Variants in ANO4 observed in about 807,000 individuals in gnomAD.
ANO4 encodes the protein anoctamin-4.
In ANO4, 69 loss-of-function variants were observed where a neutral mutation model predicts 141.9. The ratio of observed to expected loss-of-function variants is 0.49; its 90% CI spans 0.40 to 0.59. ANO4 has a LOEUF of 0.59. ANO4 is among the 20% of genes least tolerant of loss of function. ANO4 has a pLI of 0.00. For missense variants in ANO4, 894 were observed against 1,162.2 expected, an observed-to-expected ratio of 0.77 and a Z score of 3.36; for synonymous variants, 350 against 394.3, an observed-to-expected ratio of 0.89 and a Z score of 1.33.
At chr12:101,098,543 G>A (rs914012006) in intron 21 of ANO4, among the ~76,000 whole-genome samples, 5 of 152,174 alleles carry the variant, frequency 3.3e-5, no homozygotes, top group Non-Finnish European at 7.3e-5. Flanking sequence ...CACTCAGCCA[G>A]AACGATTAGT....
intron 1 of ANO4, among the ~76,000 whole-genome samples, chr12:100,727,225 A>C (rs767608663): frequency 1.3e-5 from 2 of 152,204 alleles, no homozygotes; most frequent in Non-Finnish European, 1.5e-5. Flanking sequence ...GTTTTTACTA[A>C]AATTTTTCTT....
intron 1 of ANO4, chr12:100,852,253 A>C (rs2037913167): frequency 6.6e-6 from 1 of 152,186 alleles, no homozygotes; most frequent in African/African-American, 2.4e-5. Flanking sequence ...TTAAAAACAT[A>C]TTTCAAATAA....
chr12:100,726,286 G>T (rs1054231773), intron 1 of ANO4, among the ~76,000 whole-genome samples: 4 of 152,140 alleles, frequency 2.6e-5, no homozygotes, highest in African/African-American at 9.7e-5. Context: ...CTTGGGGCAG[G>T]TCTTTCTTAA....
intron 24 of ANO4, 116 bp downstream of exon 24, chr12:101,111,826 C>A: frequency 2.4e-6 from 2 of 839,980 alleles, no homozygotes; most frequent in African/African-American, 1.8e-5. Context: ...GAAGGAGAGG[C>A]CTGTGATAGG....
rs561741108 is a variant in ANO4, at chr12:100,983,957, G to A, written c.603-3582G>A. 2.1e-3 allele frequency among the ~76,000 whole-genome samples: 326 copies of A among 152,240 alleles called. 1 individual carries two copies. The highest frequency in any genetic ancestry group is 3.5e-3 in the Non-Finnish European group (239 of 68,024). ...CCATGTTTGAGTGTTTGGTTTAGTC[G>A]TAGTGAAGTGCACACAGCATGCACA... On this transcript the variant is annotated intron_variant, in intron 7 of 27. Coordinates refer to ENST00000392977, the MANE Select transcript of ANO4 (RefSeq NM_001286615.2).
intron 1 of ANO4, chr12:100,842,058 T>TCCCC (rs1390136625): frequency 5.7e-5 from 2 of 34,798 alleles, no homozygotes; most frequent in Non-Finnish European, 1.1e-4. Context: ...CTGGTAAATA[T>TCCCC]CCACCCCCCC....
chr12:100,751,466 G>T (rs534688402), intron 3 of ANO4, among the ~76,000 whole-genome samples: 1 of 152,158 alleles, frequency 6.6e-6, no homozygotes, highest in East Asian at 1.9e-4. Context: ...ACACCCTCTG[G>T]TCACTATTCC....
At chr12:101,013,322 ACTAT>A (rs77462787) in intron 8 of ANO4, among the ~76,000 whole-genome samples, 2,547 of 152,250 alleles carry the variant, frequency 0.017, 38 homozygotes, top group Middle Eastern at 0.045. Context: ...TCACTTTGTG[ACTAT>A]CTAACCCTAT....
At chr12:101,044,668 C>T (rs1043192995) in intron 13 of ANO4, among the ~76,000 whole-genome samples, 2 of 152,202 alleles carry the variant, frequency 1.3e-5, no homozygotes, top group African/African-American at 4.8e-5. Context: ...AGGATCCCGC[C>T]TATCTATAAT....
chr12:101,048,305 A>G (rs2047713895), intron 13 of ANO4, 36 bp from the exon 14 acceptor site: 1 of 1,600,968 alleles, frequency 6.2e-7, no homozygotes, highest in Non-Finnish European at 8.5e-7. Context: ...ATCATATATG[A>G]GAAATTAACT....
chr12:101,028,193 T>C (rs1393030148), intron 9 of ANO4, among the ~76,000 whole-genome samples: 1 of 152,032 alleles, frequency 6.6e-6, no homozygotes, highest in Non-Finnish European at 1.5e-5. Context: ...GCCTCAAAGA[T>C]CGAAACTAGA....
chr12:101,073,580 TAATA>T (rs2048911332), intron 14 of ANO4, among the ~76,000 whole-genome samples: 1 of 145,816 alleles, frequency 6.9e-6, no homozygotes. Flanking sequence ...ATAATAATAA[TAATA>T]ATAATAATAA....
At chr12:100,891,228 GA>G (rs1359366063) in intron 1 of ANO4, among the ~76,000 whole-genome samples, 1 of 152,204 alleles carries the variant, frequency 6.6e-6, no homozygotes, top group Non-Finnish European at 1.5e-5. Flanking sequence ...CCTACTGAAG[GA>G]CATCTTGGTT....
At chr12:100,910,720 A>G (rs569024911) in intron 2 of ANO4, among the ~76,000 whole-genome samples, 6 of 152,298 alleles carry the variant, frequency 3.9e-5, no homozygotes, top group Non-Finnish European at 8.8e-5. Flanking sequence ...GCTTTCTGAA[A>G]TCTAAAATAC....
At position 101,040,025 on chromosome 12, in the gene ANO4, G is replaced by T; in HGVS notation, c.968G>T (p.Cys323Phe). The T allele has an allele frequency of 8.7e-6, 14 of 1,613,466 alleles. No homozygotes were observed. The highest frequency in any genetic ancestry group is 2.7e-5 in the African/African-American group (2 of 75,060). Reference protein sequence around the residue: ...AENHRHLLYECWASWGVWYKY... With the variant: ...AENHRHLLYEFWASWGVWYKY... ...AACCACCGACATCTACTCTATGAGT[G>T]CTGGGCCTCCTGGGGCGTGTGGTAT... Residue 323 changes from cysteine to phenylalanine, a missense_variant, in exon 11 of 28, where the codon TGC becomes TTC. This residue lies in a region of ANO4 where 637 missense variants were observed against 909.2 expected (regional missense o/e 0.70). Transcript: ENST00000392977.
At chr12:100,861,464 C>T (rs2038471570) in intron 1 of ANO4, among the ~76,000 whole-genome samples, 1 of 151,902 alleles carries the variant, frequency 6.6e-6, no homozygotes, top group South Asian at 2.1e-4. Context: ...AGAAAAGGTA[C>T]AGTAAAAATA....
chr12:100,791,841 C>T (rs2034059228), upstream of ANO4, among the ~76,000 whole-genome samples: 1 of 152,162 alleles, frequency 6.6e-6, no homozygotes, highest in African/African-American at 2.4e-5. Flanking sequence ...CTGCAAAGGC[C>T]TGGAAAGATA....
chr12:100,962,228 G>A (rs971729121), intron 5 of ANO4, among the ~76,000 whole-genome samples: 1 of 152,158 alleles, frequency 6.6e-6, no homozygotes, highest in African/African-American at 2.4e-5. Flanking sequence ...ATGTGAGAAA[G>A]CTACTCGAAG....
At chr12:101,097,826 T>C in intron 20 of ANO4, 22 bp from the exon 21 acceptor site, 2 of 1,611,368 alleles carry the variant, frequency 1.2e-6, no homozygotes, top group Non-Finnish European at 1.7e-6. Flanking sequence ...TTCTGGAATT[T>C]CTGTGTTTGC....
Sources: allele counts gnomAD v4.1 joint callset (sites outside exome capture counted in the v4.1 genomes callset), GRCh38; gene constraint gnomAD v4.1.1; regional missense constraint gnomAD v4.1.1; transcripts MANE v1.5; gene names NCBI Gene and HGNC (gene_info 2026-07-23, HGNC 2026-07-21).